SGCD: variants seen among roughly 807,000 people sequenced by gnomAD.
SGCD encodes the protein delta-sarcoglycan.
SGCD carries 18 observed loss-of-function variants against 36.6 expected under a neutral mutation model. That is an observed-to-expected ratio of 0.49 (90% CI 0.34 to 0.73). SGCD has a LOEUF of 0.73. SGCD is among the 30% of genes least tolerant of loss of function. SGCD has a pLI of 0.01. For missense variants in SGCD, 387 were observed against 346.7 expected (o/e 1.12, Z -0.92); for synonymous variants, 133 against 130.6 (o/e 1.02, Z -0.12).
intron 1 of SGCD, among the ~76,000 whole-genome samples, chr5:155,936,838 C>T (rs973497678): frequency 3.8e-4 from 58 of 152,232 alleles, no homozygotes; most frequent in African/African-American, 1.3e-3. Context: ...TGAGCTGCCC[C>T]CACTCACTCA....
intron 3 of SGCD, among the ~76,000 whole-genome samples, chr5:156,302,509 C>T (rs935682342): frequency 1.3e-5 from 2 of 151,976 alleles, no homozygotes; most frequent in Non-Finnish European, 2.9e-5. Flanking sequence ...CTAGATTGGC[C>T]CACTAATGCT....
intron 3 of SGCD, among the ~76,000 whole-genome samples, chr5:156,156,408 C>T (rs557934412): frequency 2.0e-5 from 3 of 151,482 alleles, no homozygotes; most frequent in African/African-American, 2.4e-5. Context: ...GTGGGCAGAT[C>T]GCTTGAGGTC....
At chr5:156,317,277 G>A (rs1191100275) in intron 3 of SGCD, among the ~76,000 whole-genome samples, 1 of 152,122 alleles carries the variant, frequency 6.6e-6, no homozygotes, top group Admixed American at 6.5e-5. Flanking sequence ...ATGTATATAA[G>A]AGCCACTTTT....
chr5:156,519,948 A>G (rs1757331937), intron 4 of SGCD, among the ~76,000 whole-genome samples: 2 of 152,216 alleles, frequency 1.3e-5, no homozygotes, highest in African/African-American at 4.8e-5. Flanking sequence ...CCTTTTGAAA[A>G]CTGGCAGAGG....
chr5:155,990,725 T>A lies in SGCD; in HGVS notation c.-282+120301T>A, dbSNP rs187285715. ...TTTATTGAATACTTACTACATCAAG[T>A]ATTCCATGCATCACATTATTTAATT... On this transcript the variant is annotated intron_variant, in intron 1 of 9. Transcript: ENST00000517913. Among the ~76,000 whole-genome samples, 665 of 152,352 alleles carry A rather than the reference T, an allele frequency of 4.4e-3. 4 individuals carry two copies. The highest frequency in any genetic ancestry group is 0.015 in the African/African-American group (617 of 41,576).
intron 3 of SGCD, among the ~76,000 whole-genome samples, chr5:156,176,722 T>C (rs1303344685): frequency 6.6e-6 from 1 of 152,252 alleles, no homozygotes; most frequent in African/African-American, 2.4e-5. Flanking sequence ...TCTAACAATA[T>C]GTTTTATAAT....
rs185876526 is a variant in SGCD at position 156,601,659 on chromosome 5, G to A, written c.502+6608G>A. On this transcript the variant is annotated intron_variant, in intron 6 of 8. Coordinates refer to ENST00000337851, the MANE Select transcript of SGCD (RefSeq NM_000337.6). ...TTTAGAATTTTTTTCCTATTTCTGT[G>A]AATAATGTCATTGGGTTTTTTTGTT... Among the ~76,000 whole-genome samples the A allele has an allele frequency of 2.9e-3, 438 of 152,076 alleles. 1 individual carries two copies. Among genetic ancestry groups the A allele is most frequent in the African/African-American group, 9.8e-3 (408 of 41,504 alleles).
At chr5:155,865,803 C>A (rs907183705), upstream of SGCD, among the ~76,000 whole-genome samples, 65 of 152,308 alleles carry the variant, frequency 4.3e-4, no homozygotes, top group African/African-American at 1.5e-3. Context: ...AAGTTGCTCA[C>A]ATTGGCAGAT....
intron 6 of SGCD, among the ~76,000 whole-genome samples, chr5:156,603,890 T>C (rs985594781): frequency 1.3e-5 from 2 of 152,088 alleles, no homozygotes; most frequent in Non-Finnish European, 2.9e-5. Context: ...TGGAATGTTC[T>C]GTAAATGTCT....
chr5:156,390,844 G>A (rs922573771), intron 3 of SGCD, among the ~76,000 whole-genome samples: 2 of 152,130 alleles, frequency 1.3e-5, no homozygotes, highest in Admixed American at 6.5e-5. Context: ...TTGTGCTTAA[G>A]CCAAGTTTTA....
At chr5:156,548,758 A>C (rs1378515599) in intron 4 of SGCD, among the ~76,000 whole-genome samples, 1 of 152,142 alleles carries the variant, frequency 6.6e-6, no homozygotes, top group Non-Finnish European at 1.5e-5. Flanking sequence ...GTCACTGGTG[A>C]TGGTGAGTGA....
intron 1 of SGCD, among the ~76,000 whole-genome samples, chr5:155,905,280 T>C (rs139467398): frequency 1.3e-5 from 2 of 152,270 alleles, no homozygotes; most frequent in East Asian, 1.9e-4. Flanking sequence ...AAAGTCATGA[T>C]AGGGAGAGAG....
the SGCD span, among the ~76,000 whole-genome samples, chr5:155,788,707 G>A: frequency 6.6e-5 from 10 of 152,194 alleles, no homozygotes; most frequent in South Asian, 1.7e-3. Context: ...ATGGTGTGTG[G>A]ACAATGGAAA....
At chr5:156,438,023 G>A (rs558743303) in intron 3 of SGCD, among the ~76,000 whole-genome samples, 1 of 152,258 alleles carries the variant, frequency 6.6e-6, no homozygotes, top group African/African-American at 2.4e-5. Flanking sequence ...CTACCTGGAG[G>A]ATACATTGGG....
intron 3 of SGCD, among the ~76,000 whole-genome samples, chr5:156,310,759 A>T (rs553027040): frequency 6.6e-6 from 1 of 152,188 alleles, no homozygotes; most frequent in African/African-American, 2.4e-5. Flanking sequence ...GACACTTACT[A>T]TGCAATCCAG....
At chr5:156,419,964 T>G (rs7718903) in intron 3 of SGCD, among the ~76,000 whole-genome samples, 109,942 of 151,900 alleles carry the variant, frequency 0.72, 40,192 homozygotes, top group Middle Eastern at 0.91. Flanking sequence ...TACCAGTGGA[T>G]GGAAGAGCCT....
chr5:156,695,850 G>A (rs1000413927), intron 7 of SGCD, among the ~76,000 whole-genome samples: 7 of 152,146 alleles, frequency 4.6e-5, no homozygotes, highest in African/African-American at 1.7e-4. Context: ...TAAACATAGG[G>A]GCTAAGAAGA....
Position 156,052,960 on chromosome 5 carries a change from T to C in SGCD, c.-281-64918T>C, listed in dbSNP as rs976149605. Among the ~76,000 whole-genome samples the C allele has an allele frequency of 3.2e-4, 47 of 146,294 alleles. 2 individuals are homozygous for C. Among genetic ancestry groups the C allele is most frequent in the African/African-American group, 1.2e-3 (47 of 40,758 alleles). Reference sequence around the variant, plus strand: ...TGCAAGCTCTAGGACCAATGTGTTGTGCCCCCCTGGGGACAGGAAAGTCAA... The same window carrying C: ...TGCAAGCTCTAGGACCAATGTGTTGCGCCCCCCTGGGGACAGGAAAGTCAA... On this transcript the variant is annotated intron_variant, in intron 1 of 9. Transcript: ENST00000517913.
chr5:156,075,555 T>C (rs1195307350), intron 1 of SGCD, among the ~76,000 whole-genome samples: 2 of 152,156 alleles, frequency 1.3e-5, no homozygotes, highest in Non-Finnish European at 2.9e-5. Context: ...AATCAATCTG[T>C]ATAAAGGTTG....
Sources: gnomAD v4.1 joint callset for allele counts (sites outside exome capture counted in the v4.1 genomes callset) on GRCh38, gnomAD v4.1.1 for gene constraint, MANE v1.5 for transcripts, NCBI Gene and HGNC (gene_info 2026-07-23, HGNC 2026-07-21) for gene names.